DPP10: variants seen among roughly 807,000 people sequenced by gnomAD.
DPP10 encodes dipeptidyl peptidase like 10.
DPP10 carries 33 observed loss-of-function variants against 120.9 expected under a neutral mutation model. The ratio of observed to expected loss-of-function variants is 0.27; its 90% CI spans 0.21 to 0.37. The LOEUF is 0.37. Ranked by LOEUF, DPP10 falls within the 10% of genes least tolerant of loss-of-function variation. The probability of loss-of-function intolerance (pLI) is 1.00; values close to 1 mark genes in which losing one functional copy is unlikely to be tolerated. For missense variants in DPP10, 816 were observed against 942.8 expected, an observed-to-expected ratio of 0.87 and a Z score of 1.76; for synonymous variants, 337 against 326.1, an observed-to-expected ratio of 1.03 and a Z score of -0.36.
chr2:115,286,526 A>ATATATATGTATATAT (rs10675008), intron 1 of DPP10, among the ~76,000 whole-genome samples: 1 of 60,946 alleles, frequency 1.6e-5, no homozygotes, highest in South Asian at 5.1e-4. Context: ...ATATATATAT[A>ATATATATGTATATAT]ATATATATAT....
intron 7 of DPP10, among the ~76,000 whole-genome samples, chr2:115,713,827 T>C (rs931818655): frequency 2.0e-5 from 3 of 152,190 alleles, no homozygotes; most frequent in Non-Finnish European, 2.9e-5. Context: ...GAGACTTTTA[T>C]GAAAGTTAGT....
In DPP10 at chr2:114,981,465, A is replaced by G. The variant is rs375279193; in HGVS notation, c.61-327774A>G. On this transcript the variant is annotated intron_variant, in intron 1 of 25. Coordinates refer to ENST00000410059, the MANE Select transcript of DPP10 (RefSeq NM_020868.6). ...TACACATAAGTGAATACATATGTGC[A>G]TGTATAAATGTATGAGCCCATATGA... Among the ~76,000 whole-genome samples the G allele has an allele frequency of 1.8e-4, 28 of 152,332 alleles. No homozygotes were observed. The East Asian group carries it at 2.7e-3, about 15-fold the overall frequency.
At chr2:115,650,461 A>C (rs141820838) in intron 5 of DPP10, among the ~76,000 whole-genome samples, 1 of 151,420 alleles carries the variant, frequency 6.6e-6, no homozygotes, top group African/African-American at 2.4e-5. Flanking sequence ...TCATATTTTT[A>C]TAATTTTTGA....
Position 115,391,466 on chromosome 2 carries a change from T to C in DPP10, c.271+47554T>C, listed in dbSNP as rs539624090. 3.5e-3 allele frequency among the ~76,000 whole-genome samples: 530 copies of C among 152,260 alleles called. 3 individuals are homozygous for C. The highest frequency in any genetic ancestry group is 4.2e-3 in the Non-Finnish European group (288 of 67,988). ...AGAAGGAAAGGATTTTGAAGTAGTA[T>C]GTGAAATGGCTCACAGCACATGAGT... On this transcript the variant is annotated intron_variant, in intron 3 of 25. Coordinates refer to ENST00000410059, the MANE Select transcript of DPP10 (RefSeq NM_020868.6).
intron 1 of DPP10, among the ~76,000 whole-genome samples, chr2:114,593,468 C>T (rs1241120969): frequency 1.3e-5 from 2 of 152,166 alleles, no homozygotes; most frequent in Admixed American, 1.3e-4. Context: ...AATGCACTAA[C>T]GCGTGTCTCT....
intron 1 of DPP10, among the ~76,000 whole-genome samples, chr2:115,009,710 G>A (rs1702124103): frequency 6.6e-6 from 1 of 151,964 alleles, no homozygotes; most frequent in South Asian, 2.1e-4. Flanking sequence ...AACCACCAAG[G>A]TGTGTGTATA....
chr2:114,696,477 C>T (rs1045886834), intron 1 of DPP10, among the ~76,000 whole-genome samples: 1 of 152,018 alleles, frequency 6.6e-6, no homozygotes, highest in Admixed American at 6.6e-5. Flanking sequence ...CTTTTATTTG[C>T]AGCTGAAGCT....
At chr2:114,466,581 G>T (rs1679399567) in intron 1 of DPP10, among the ~76,000 whole-genome samples, 1 of 152,116 alleles carries the variant, frequency 6.6e-6, no homozygotes. Context: ...CTTTTGTGCT[G>T]AATAAGAAAA....
chr2:114,683,178 C>G (rs1050034071), intron 1 of DPP10, among the ~76,000 whole-genome samples: 2 of 151,930 alleles, frequency 1.3e-5, no homozygotes, highest in Non-Finnish European at 2.9e-5. Context: ...GATGAGGAAA[C>G]GTAGATTATG....
intron 1 of DPP10, among the ~76,000 whole-genome samples, chr2:114,864,824 C>G (rs1456530035): frequency 3.3e-5 from 5 of 152,242 alleles, no homozygotes; most frequent in African/African-American, 1.2e-4. Context: ...TCAGTACTAC[C>G]TAGACAAATG....
At chr2:115,179,102 T>C (rs2053901084) in intron 1 of DPP10, among the ~76,000 whole-genome samples, 1 of 152,186 alleles carries the variant, frequency 6.6e-6, no homozygotes, top group African/African-American at 2.4e-5. Context: ...TTTTAATAAG[T>C]TGAAAATAAT....
intron 1 of DPP10, among the ~76,000 whole-genome samples, chr2:114,999,993 T>A (rs934102297): frequency 6.9e-6 from 1 of 144,934 alleles, no homozygotes; most frequent in Non-Finnish European, 1.5e-5. Flanking sequence ...ATAAACCCAT[T>A]GTTATGTTAA....
chr2:114,510,158 G>T (rs1002744361), intron 1 of DPP10, among the ~76,000 whole-genome samples: 3 of 152,234 alleles, frequency 2.0e-5, no homozygotes, highest in African/African-American at 7.2e-5. Context: ...AGAAGCATTT[G>T]TAGAATGAGT....
intron 3 of DPP10, among the ~76,000 whole-genome samples, chr2:115,464,451 C>T (rs953903494): frequency 5.3e-5 from 8 of 151,734 alleles, no homozygotes; most frequent in Admixed American, 2.0e-4. Flanking sequence ...AAAAAAACAG[C>T]GGTACAGGAG....
At chr2:115,291,835 C>G (rs1454619654) in intron 1 of DPP10, among the ~76,000 whole-genome samples, 1 of 152,114 alleles carries the variant, frequency 6.6e-6, no homozygotes, top group African/African-American at 2.4e-5. Context: ...CTGGATGTCA[C>G]AGATCCATAG....
intron 1 of DPP10, among the ~76,000 whole-genome samples, chr2:114,798,142 G>A (rs1341412590): frequency 2.0e-5 from 3 of 152,148 alleles, no homozygotes; most frequent in South Asian, 2.1e-4. Flanking sequence ...CCAAGTCTAA[G>A]TAAACATGAT....
intron 1 of DPP10, among the ~76,000 whole-genome samples, chr2:114,650,830 A>G (rs752612320): frequency 6.6e-6 from 1 of 152,210 alleles, no homozygotes; most frequent in Non-Finnish European, 1.5e-5. Flanking sequence ...ACTCTCATTA[A>G]GGATTCCATT....
intron 1 of DPP10, among the ~76,000 whole-genome samples, chr2:114,857,237 A>G (rs540549721): frequency 2.0e-5 from 3 of 152,324 alleles, no homozygotes; most frequent in African/African-American, 7.2e-5. Flanking sequence ...ACTATATAAA[A>G]CCATAACATC....
chr2:115,536,532 T>G (rs1361552188), intron 5 of DPP10, among the ~76,000 whole-genome samples: 3 of 152,044 alleles, frequency 2.0e-5, no homozygotes, highest in Non-Finnish European at 1.5e-5. Context: ...TATGGGATTA[T>G]ATATTTTTTA....
Sources: gnomAD v4.1 joint callset for allele counts (sites outside exome capture counted in the v4.1 genomes callset) on GRCh38, gnomAD v4.1.1 for gene constraint, MANE v1.5 for transcripts, NCBI Gene and HGNC (gene_info 2026-07-23, HGNC 2026-07-21) for gene names.